The following ACMSD variants were observed in gnomAD, a reference collection of about 807,000 sequenced individuals.
The protein encoded by ACMSD is aminocarboxymuconate semialdehyde decarboxylase, also known as 2-amino-3-carboxymuconate-6-semialdehyde decarboxylase.
ACMSD carries 37 observed loss-of-function variants against 45.9 expected under a neutral mutation model. The ratio of observed to expected loss-of-function variants is 0.81; its 90% CI spans 0.62 to 1.06. ACMSD has a LOEUF of 1.06. ACMSD is among the 50% of genes least tolerant of loss of function. The pLI is 0.00. For missense variants in ACMSD, 434 were observed against 420.9 expected, an observed-to-expected ratio of 1.03 and a Z score of -0.27; for synonymous variants, 138 against 148.8, an observed-to-expected ratio of 0.93 and a Z score of 0.53.
At chr2:134,885,306 A>C (rs1421037477) in intron 8 of ACMSD, among the ~76,000 whole-genome samples, 31 of 75,422 alleles carry the variant, frequency 4.1e-4, no homozygotes, top group African/African-American at 5.2e-4. Context: ...TATATATTTA[A>C]ATATATATAT....
chr2:134,879,573 T>G (rs1257930562), intron 8 of ACMSD, among the ~76,000 whole-genome samples: 1 of 152,222 alleles, frequency 6.6e-6, no homozygotes, highest in East Asian at 1.9e-4. Flanking sequence ...TCATTTTCTC[T>G]GGGTCAGGAA....
chr2:134,898,333 T>C lies in ACMSD; in HGVS notation c.850-8T>C. The C allele has an allele frequency of 1.3e-6, 2 of 1,562,790 alleles. No individual in the cohort carries two copies. The highest frequency in any genetic ancestry group is 1.7e-6 in the Non-Finnish European group (2 of 1,157,284). On this transcript the variant is annotated splice_region_variant and splice_polypyrimidine_tract_variant and intron_variant, in intron 8 of 9. Coordinates refer to ENST00000356140, the MANE Select transcript of ACMSD (RefSeq NM_138326.3). Reference sequence around the variant, plus strand: ...AAACAACAGAGAAATATATATTTTGTTTTTTAGGATAAAGTCATTTTGGGA... The same window carrying C: ...AAACAACAGAGAAATATATATTTTGCTTTTTAGGATAAAGTCATTTTGGGA...
intron 8 of ACMSD, among the ~76,000 whole-genome samples, chr2:134,886,398 G>A (rs1044895669): frequency 1.4e-4 from 21 of 151,350 alleles, no homozygotes; most frequent in African/African-American, 4.6e-4. Flanking sequence ...ACAGGTGCCC[G>A]CCAACACGCC....
At position 134,840,191 on chromosome 2, in the gene ACMSD, AAAC is replaced by A. The variant is rs1231400466; in HGVS notation, c.57+1453_57+1455del. On this transcript the variant is annotated intron_variant, in intron 1 of 9. Coordinates refer to ENST00000356140, the MANE Select transcript of ACMSD (RefSeq NM_138326.3). ...GCAAAAAAAAAAAAAAAAAAAAAAA[AAAC>A]CACTAATTCCTCTGTTACAGCTTTT... Among the ~76,000 whole-genome samples the A allele has an allele frequency of 6.0e-3, 752 of 125,650 alleles. 97 individuals are homozygous for A. Among genetic ancestry groups the A allele is most frequent in the Middle Eastern group, 9.7e-3 (2 of 206 alleles). 82.4% of individuals were successfully genotyped at this position (125,650 alleles called of 152,430 possible).
chr2:134,890,370 T>C (rs1689706574), intron 8 of ACMSD, among the ~76,000 whole-genome samples: 5 of 151,888 alleles, frequency 3.3e-5, no homozygotes, highest in Admixed American at 3.3e-4. Context: ...TAATCTACAA[T>C]CTTCAAAAAT....
chr2:134,842,317 G>A (rs144219138), intron 1 of ACMSD, among the ~76,000 whole-genome samples: 63 of 152,208 alleles, frequency 4.1e-4, no homozygotes, highest in African/African-American at 1.5e-3. Context: ...CTTTGCAAGG[G>A]GCCTGTGAGG....
chr2:134,841,357 C>G (rs1478052092), intron 1 of ACMSD, among the ~76,000 whole-genome samples: 2 of 152,154 alleles, frequency 1.3e-5, no homozygotes, highest in African/African-American at 4.8e-5. Flanking sequence ...CTGGAATAAC[C>G]TTGACCTTCT....
Position 134,874,698 on chromosome 2 carries a change from A to G in ACMSD, c.849+2057A>G, listed in dbSNP as rs1688643646. On this transcript the variant is annotated intron_variant, in intron 8 of 9. Transcript: ENST00000356140. ...TTAAGCTAATGAAAGAAAAGGAAAT[A>G]ATCAACTCCAAGAAAACAAAAAATC... Among the ~76,000 whole-genome samples, 3 of 152,184 alleles carry G rather than the reference A, an allele frequency of 2.0e-5. No individual in the cohort carries two copies. The South Asian group carries it at 6.2e-4, about 32-fold the overall frequency.
chr2:134,840,180 A>AAAACAAAAAAAAAC, intron 1 of ACMSD, among the ~76,000 whole-genome samples: 1 of 140,146 alleles, frequency 7.1e-6, no homozygotes, highest in Admixed American at 7.8e-5. Flanking sequence ...AAAAAAAAAA[A>AAAACAAAAAAAAAC]AAAAAAAAAA....
At chr2:134,892,495 A>G (rs1689853818) in intron 8 of ACMSD, among the ~76,000 whole-genome samples, 1 of 122,292 alleles carries the variant, frequency 8.2e-6, no homozygotes, top group East Asian at 2.6e-4. Context: ...ATAAATAAAT[A>G]AATAAATCCC....
chr2:134,853,502 T>C (rs1441975572), intron 2 of ACMSD, among the ~76,000 whole-genome samples: 1 of 152,172 alleles, frequency 6.6e-6, no homozygotes, highest in African/African-American at 2.4e-5. Flanking sequence ...AGCAGCTTGC[T>C]CCCATTACTT....
At chr2:134,845,005 T>G (rs569255060) in intron 1 of ACMSD, among the ~76,000 whole-genome samples, 2 of 152,292 alleles carry the variant, frequency 1.3e-5, no homozygotes, top group South Asian at 4.1e-4. Context: ...GGGGAAAAGA[T>G]AAAACCAGCA....
Position 134,863,604 on chromosome 2 carries a change from C to A in ACMSD, c.459C>A (p.Asn153Lys), listed in dbSNP as rs749496752. The change falls in exon 5 of 10, where the codon AAC becomes AAA. Residue 153 changes from asparagine to lysine, a missense_variant. Physicochemically the swap from Asn to Lys is moderately conservative, Grantham distance 94. Transcript: ENST00000356140. ...CCCACGTCAACGAGTGGGACCTGAA[C>A]GCGCAGGAGCTCTTTCCTGTCTATG... ...IGTHVNEWDLNAQELFPVYAA... is the reference protein window; with the variant it reads ...IGTHVNEWDLKAQELFPVYAA... 4 of 1,614,172 alleles carry A rather than the reference C, an allele frequency of 2.5e-6. No homozygotes were observed. The highest frequency in any genetic ancestry group is 3.4e-6 in the Non-Finnish European group (4 of 1,180,010).
Position 134,864,475 on chromosome 2 carries a change from T to G in ACMSD, c.486+844T>G, listed in dbSNP as rs142209330. Among the ~76,000 whole-genome samples, 808 of 152,302 alleles carry G rather than the reference T, an allele frequency of 5.3e-3. 9 individuals carry two copies. The highest frequency in any genetic ancestry group is 0.018 in the African/African-American group (756 of 41,560). ...ACATATATCTATATTTTAATGAACCTGAAATTCTGTTACACATGTGATTTT... is the reference window on the plus strand; with the variant it reads ...ACATATATCTATATTTTAATGAACCGGAAATTCTGTTACACATGTGATTTT... On this transcript the variant is annotated intron_variant, in intron 5 of 9. Coordinates refer to ENST00000356140, the MANE Select transcript of ACMSD (RefSeq NM_138326.3).
At chr2:134,878,823 C>CAAATG (rs1288590044) in intron 8 of ACMSD, among the ~76,000 whole-genome samples, 1 of 152,126 alleles carries the variant, frequency 6.6e-6, no homozygotes, top group African/African-American at 2.4e-5. Flanking sequence ...CTTTAAAAAC[C>CAAATG]AAATGAGTCT....
chr2:134,895,861 CA>C (rs1690118146), intron 8 of ACMSD, among the ~76,000 whole-genome samples: 1 of 151,772 alleles, frequency 6.6e-6, no homozygotes, highest in African/African-American at 2.4e-5. Context: ...AACTCCGTCT[CA>C]AAAAAGAAAA....
chr2:134,862,535 G>A (rs969170201), intron 4 of ACMSD, among the ~76,000 whole-genome samples: 6 of 152,094 alleles, frequency 3.9e-5, no homozygotes, highest in South Asian at 2.1e-4. Context: ...ATTTTTGTAC[G>A]TAGCCGGGAA....
intron 4 of ACMSD, chr2:134,863,158 C>G (rs144075576): frequency 8.2e-6 from 6 of 733,312 alleles, no homozygotes; most frequent in East Asian, 1.3e-4. Context: ...CCTTCTGATT[C>G]TGGCCTCAAT....
In ACMSD at chr2:134,901,867, T is replaced by C; in HGVS notation, c.*7T>C. 1 of 1,594,970 alleles carries C rather than the reference T, an allele frequency of 6.3e-7. No individual in the cohort carries two copies. The highest frequency in any genetic ancestry group is 8.6e-7 in the Non-Finnish European group (1 of 1,167,184). ...GAGAAAACAATTTGAATGACTGAAT[T>C]TACTACAAAGGCAAACTTTCAAAAG... On this transcript the variant is annotated 3_prime_UTR_variant, in exon 10 of 10. Coordinates refer to ENST00000356140, the MANE Select transcript of ACMSD (RefSeq NM_138326.3).
Sources: allele counts gnomAD v4.1 joint callset (sites outside exome capture counted in the v4.1 genomes callset), GRCh38; gene constraint gnomAD v4.1.1; transcripts MANE v1.5; gene names NCBI Gene and HGNC (gene_info 2026-07-23, HGNC 2026-07-21).